EXT2: variants seen among roughly 807,000 people sequenced by gnomAD.
EXT2 encodes exostosin-2.
Under a neutral mutation model 81.6 loss-of-function variants are expected in EXT2, and 53 were observed. The observed-to-expected ratio is 0.65, with a 90% CI of 0.52 to 0.82. The LOEUF (loss-of-function observed/expected upper bound fraction) is 0.82. Ranked by LOEUF, EXT2 falls within the 40% of genes least tolerant of loss-of-function variation. EXT2 has a pLI of 0.00. For missense variants in EXT2, 774 were observed against 910.2 expected (o/e 0.85, Z 1.93); for synonymous variants, 320 against 340.0 (o/e 0.94, Z 0.65).
intron 7 of EXT2, among the ~76,000 whole-genome samples, chr11:44,141,350 A>T (rs1954643425): frequency 6.6e-6 from 1 of 152,218 alleles, no homozygotes; most frequent in Non-Finnish European, 1.5e-5. Context: ...GGTTGAATCC[A>T]TGGATGTGGA....
chr11:44,184,868 AG>A (rs1408534716), intron 8 of EXT2, among the ~76,000 whole-genome samples: 1 of 152,262 alleles, frequency 6.6e-6, no homozygotes, highest in Admixed American at 6.5e-5. Context: ...ACACTAGTGT[AG>A]TACTCTTCAT....
intron 8 of EXT2, among the ~76,000 whole-genome samples, chr11:44,183,362 T>C (rs1185001288): frequency 6.6e-6 from 1 of 152,230 alleles, no homozygotes; most frequent in Non-Finnish European, 1.5e-5. Context: ...TTATAGTGGT[T>C]GCCAAATAGT....
chr11:44,132,072 A>C (rs1565206570), intron 7 of EXT2, among the ~76,000 whole-genome samples: 1 of 152,244 alleles, frequency 6.6e-6, no homozygotes, highest in Admixed American at 6.5e-5. Flanking sequence ...TTGATTTATT[A>C]GTAAAACTAA....
intron 9 of EXT2, among the ~76,000 whole-genome samples, chr11:44,203,332 G>T (rs1471362589): frequency 1.3e-5 from 2 of 152,132 alleles, no homozygotes; most frequent in African/African-American, 4.8e-5. Context: ...ATAAACTTGG[G>T]AGAGCCCCTT....
At chr11:44,110,981 T>TC (rs908412646) in intron 3 of EXT2, among the ~76,000 whole-genome samples, 83 of 152,278 alleles carry the variant, frequency 5.5e-4, no homozygotes, top group African/African-American at 1.9e-3. Flanking sequence ...ATTTTTCTTA[T>TC]CCTTCATCCT....
chr11:44,133,266 C>A (rs891221223), intron 7 of EXT2, among the ~76,000 whole-genome samples: 9 of 152,118 alleles, frequency 5.9e-5, no homozygotes, highest in Non-Finnish European at 1.3e-4. Flanking sequence ...TTTAACCTGA[C>A]CTTGGCAGGA....
intron 7 of EXT2, among the ~76,000 whole-genome samples, chr11:44,133,924 T>C (rs866661665): frequency 1.3e-5 from 2 of 152,178 alleles, no homozygotes; most frequent in South Asian, 2.1e-4. Flanking sequence ...TCATACTACC[T>C]GACAAAGAAA....
intron 10 of EXT2, among the ~76,000 whole-genome samples, chr11:44,228,266 T>C (rs1451774541): frequency 6.6e-6 from 1 of 152,206 alleles, no homozygotes; most frequent in East Asian, 1.9e-4. Context: ...GGAAGCACTG[T>C]TACTGGAACT....
At chr11:44,182,106 G>A (rs1037081172) in intron 8 of EXT2, among the ~76,000 whole-genome samples, 4 of 152,042 alleles carry the variant, frequency 2.6e-5, no homozygotes, top group African/African-American at 4.8e-5. Flanking sequence ...GGAAGGAGTC[G>A]GGTTCTCATC....
intron 1 of EXT2, among the ~76,000 whole-genome samples, chr11:44,101,258 C>T (rs889869451): frequency 6.6e-6 from 1 of 152,214 alleles, no homozygotes; most frequent in African/African-American, 2.4e-5. Flanking sequence ...TGGAGCCAGT[C>T]TTGGTATGCG....
chr11:44,134,362 G>T (rs775331155), intron 7 of EXT2, among the ~76,000 whole-genome samples: 3 of 152,298 alleles, frequency 2.0e-5, no homozygotes, highest in African/African-American at 7.2e-5. Context: ...GGATATATGG[G>T]TATAAGCATA....
chr11:44,160,989 T>G (rs1467730753), intron 7 of EXT2, among the ~76,000 whole-genome samples: 3 of 152,220 alleles, frequency 2.0e-5, no homozygotes, highest in African/African-American at 7.2e-5. Flanking sequence ...TTCTTGGATT[T>G]GTTTCATTTT....
intron 7 of EXT2, among the ~76,000 whole-genome samples, chr11:44,165,125 G>A (rs1954977919): frequency 6.6e-6 from 1 of 152,002 alleles, no homozygotes; most frequent in African/African-American, 2.4e-5. Context: ...TGATCCGCCC[G>A]CCTCGGCCTC....
intron 4 of EXT2, among the ~76,000 whole-genome samples, chr11:44,120,674 A>G (rs1194117703): frequency 1.3e-5 from 2 of 152,222 alleles, no homozygotes; most frequent in South Asian, 2.1e-4. Context: ...CTTGCGGGCT[A>G]TACAGAATAG....
Position 44,248,938 on chromosome 11 carries a change from C to T in EXT2, c.*4651C>T, listed in dbSNP as rs1956117501. Among the ~76,000 whole-genome samples the T allele has an allele frequency of 6.6e-6, 1 of 152,098 alleles. No homozygotes were observed. Among genetic ancestry groups the T allele is most frequent in the African/African-American group, 2.4e-5 (1 of 41,426 alleles). ...ATCTGTATCTGGCATTTTGTTTCTT[C>T]ACATTTGCAACCATTTCAGGGTAGA... On this transcript the variant is annotated 3_prime_UTR_variant, in exon 14 of 14. Coordinates refer to ENST00000533608, the MANE Select transcript of EXT2 (RefSeq NM_207122.2).
At chr11:44,098,803 A>T (rs1953940909) in intron 1 of EXT2, among the ~76,000 whole-genome samples, 1 of 151,896 alleles carries the variant, frequency 6.6e-6, no homozygotes, top group African/African-American at 2.4e-5. Flanking sequence ...GGTACAGAAA[A>T]TTCAGAGTCT....
chr11:44,213,967 A>G lies in EXT2; in HGVS notation c.1662+7008A>G, dbSNP rs1564979301. On this transcript the variant is annotated intron_variant, in intron 10 of 13. Coordinates refer to ENST00000533608, the MANE Select transcript of EXT2 (RefSeq NM_207122.2). ...AATTGTAGCAATACTTCTTATTTCA[A>G]ATAGTAATTAGAAAAGAGGAAAAAT... Among the ~76,000 whole-genome samples, 9 of 152,366 alleles carry G rather than the reference A, an allele frequency of 5.9e-5. No homozygotes were observed. The South Asian group carries it at 1.7e-3, about 28-fold the overall frequency.
At chr11:44,097,102 T>C (rs901307871) in intron 1 of EXT2, among the ~76,000 whole-genome samples, 1 of 152,222 alleles carries the variant, frequency 6.6e-6, no homozygotes, top group Non-Finnish European at 1.5e-5. Flanking sequence ...AAACTTTCTG[T>C]TGTACTATCC....
chr11:44,188,422 T>G (rs185158302), intron 8 of EXT2, among the ~76,000 whole-genome samples: 84 of 152,326 alleles, frequency 5.5e-4, no homozygotes, highest in African/African-American at 1.9e-3. Flanking sequence ...TATTGACCCT[T>G]GTGATTAAGA....
Sources: gnomAD v4.1 joint callset for allele counts (sites outside exome capture counted in the v4.1 genomes callset) on GRCh38, gnomAD v4.1.1 for gene constraint, MANE v1.5 for transcripts, NCBI Gene and HGNC (gene_info 2026-07-23, HGNC 2026-07-21) for gene names.